FNDC3B: variants seen among roughly 807,000 people sequenced by gnomAD.
The protein encoded by FNDC3B is fibronectin type III domain containing 3B.
In FNDC3B, 12 loss-of-function variants were observed where a neutral mutation model predicts 151.5. That is an observed-to-expected ratio of 0.08 (90% CI 0.05 to 0.13). The LOEUF is 0.13. FNDC3B is among the 10% of genes least tolerant of loss of function. The pLI, the probability that FNDC3B is intolerant of heterozygous loss-of-function variation, is 1.00. For synonymous variants in FNDC3B, 528 were observed against 549.0 expected (o/e 0.96, Z 0.54); for missense variants, 1,214 against 1,505.3 (o/e 0.81, Z 3.20).
At chr3:172,066,165 A>T (rs576162069) in intron 1 of FNDC3B, among the ~76,000 whole-genome samples, 1 of 152,260 alleles carries the variant, frequency 6.6e-6, no homozygotes, top group East Asian at 1.9e-4. Context: ...ACCAAACTTC[A>T]TCTGTTCTGT....
chr3:172,393,139 A>G (rs1278040334), intron 25 of FNDC3B, among the ~76,000 whole-genome samples: 3 of 152,028 alleles, frequency 2.0e-5, no homozygotes, highest in Non-Finnish European at 4.4e-5. Context: ...TATGCTGCCT[A>G]CAAGAGTCAC....
In FNDC3B at chr3:172,364,158, T is replaced by C. The variant is rs141339440; in HGVS notation, c.3008+1313T>C. ...ATACACAAGAGCATTCATCTTATTG[T>C]GCTATATGTGCCTTCGGATGTGTTT... On this transcript the variant is annotated intron_variant, in intron 23 of 25. Transcript: ENST00000415807. 3.8e-3 allele frequency among the ~76,000 whole-genome samples: 582 copies of C among 152,362 alleles called. 3 individuals carry two copies. The highest frequency in any genetic ancestry group is 8.6e-3 in the Admixed American group (131 of 15,312).
chr3:172,257,792 C>T (rs1327513776), intron 6 of FNDC3B, among the ~76,000 whole-genome samples: 1 of 152,106 alleles, frequency 6.6e-6, no homozygotes, highest in African/African-American at 2.4e-5. Flanking sequence ...TTATGACCTG[C>T]CCCAGACCTA....
rs1200497979 is a variant in FNDC3B at position 172,039,627 on chromosome 3, GGCGGCGGCGGCGGCTGGAGGAGGAGA to G, written c.-159_-134del. The stretch of plus-strand genomic sequence containing the variant: ...AAACCCTCCTGGTAGTTATTTGAGC[GGCGGCGGCGGCGGCTGGAGGAGGAGA>G]GCGGCGGCGGCGGGAGCAGCGAAGG... On this transcript the variant is annotated 5_prime_UTR_variant, in exon 1 of 26. Transcript: ENST00000415807. The G allele has an allele frequency of 2.2e-4, 35 of 161,324 alleles. No homozygotes were observed. Among genetic ancestry groups the G allele is most frequent in the Non-Finnish European group, 2.5e-4 (19 of 74,728 alleles). 10.0% of individuals were successfully genotyped at this position (161,324 alleles called of 1,614,324 possible).
intron 3 of FNDC3B, among the ~76,000 whole-genome samples, chr3:172,169,519 C>G (rs539340816): frequency 2.0e-5 from 3 of 152,182 alleles, no homozygotes; most frequent in Admixed American, 1.3e-4. Flanking sequence ...GGAGAGCAAC[C>G]TTGAAGAGCA....
At chr3:172,259,604 A>G (rs1728538299) in intron 6 of FNDC3B, among the ~76,000 whole-genome samples, 1 of 152,082 alleles carries the variant, frequency 6.6e-6, no homozygotes, top group Non-Finnish European at 1.5e-5. Context: ...CTTTATGATG[A>G]TTTTTTTCCC....
At chr3:172,068,331 A>G (rs1717605613) in intron 1 of FNDC3B, among the ~76,000 whole-genome samples, 1 of 151,754 alleles carries the variant, frequency 6.6e-6, no homozygotes, top group South Asian at 2.1e-4. Flanking sequence ...TTCAATACTC[A>G]TCCCTCTGTT....
chr3:172,066,593 A>G (rs892803247), intron 1 of FNDC3B, among the ~76,000 whole-genome samples: 3 of 152,210 alleles, frequency 2.0e-5, no homozygotes, highest in African/African-American at 7.2e-5. Context: ...GCCATTTAGT[A>G]AAGCTTGGTC....
intron 3 of FNDC3B, among the ~76,000 whole-genome samples, chr3:172,155,599 C>T (rs965490917): frequency 1.3e-5 from 2 of 152,174 alleles, no homozygotes; most frequent in Non-Finnish European, 2.9e-5. Flanking sequence ...CAGTGTTTTC[C>T]CCTTTCCTGG....
At chr3:172,347,137 A>C in intron 20 of FNDC3B, 75 bp from the exon 21 acceptor site, 2 of 1,310,928 alleles carry the variant, frequency 1.5e-6, no homozygotes, top group Non-Finnish European at 2.1e-6. Flanking sequence ...TTCCCATTTT[A>C]GTTAATTGAA....
chr3:172,108,514 T>A (rs1415188754), intron 1 of FNDC3B, among the ~76,000 whole-genome samples: 1 of 152,336 alleles, frequency 6.6e-6, no homozygotes, highest in East Asian at 1.9e-4. Context: ...CACAGCTGAG[T>A]TGAGCCACCC....
chr3:172,082,601 C>T (rs925656957), intron 1 of FNDC3B, among the ~76,000 whole-genome samples: 1 of 152,160 alleles, frequency 6.6e-6, no homozygotes, highest in Non-Finnish European at 1.5e-5. Flanking sequence ...AACGAAGCAG[C>T]AAAGAATGTT....
intron 1 of FNDC3B, among the ~76,000 whole-genome samples, chr3:172,088,951 A>G (rs978757211): frequency 6.6e-5 from 10 of 152,204 alleles, no homozygotes; most frequent in Non-Finnish European, 1.0e-4. Flanking sequence ...TTTACAGACA[A>G]TAGCCAAATA....
Position 172,362,850 on chromosome 3 carries a change from G to T in FNDC3B, c.3008+5G>T. ...GCTGGAGGACAGAAACAAGAGGTGAGGTGGGGGTGAGGATGCTCCTGAAGC... is the reference window on the plus strand; with the variant it reads ...GCTGGAGGACAGAAACAAGAGGTGATGTGGGGGTGAGGATGCTCCTGAAGC... On this transcript the variant is annotated splice_donor_5th_base_variant and intron_variant, in intron 23 of 25. Coordinates refer to ENST00000415807, the MANE Select transcript of FNDC3B (RefSeq NM_022763.4). 6.2e-7 allele frequency: 1 copy of T among 1,608,900 alleles called. No individual in the cohort carries two copies. The highest frequency in any genetic ancestry group is 1.1e-5 in the South Asian group (1 of 90,686).
chr3:172,047,164 CTTT>C (rs1716407478), intron 1 of FNDC3B, among the ~76,000 whole-genome samples: 1 of 152,110 alleles, frequency 6.6e-6, no homozygotes, highest in African/African-American at 2.4e-5. Context: ...TTATGAAAAG[CTTT>C]CTGTTGAAAT....
chr3:172,175,062 T>TGCTGCTTTTGCTTTCTC (rs915735506), intron 3 of FNDC3B, among the ~76,000 whole-genome samples: 10 of 151,354 alleles, frequency 6.6e-5, no homozygotes, highest in Admixed American at 1.3e-4. Context: ...ACCAGGCCCC[T>TGCTGCTTTTGCTTTCTC]GCTGCTTTTG....
At chr3:172,347,456 C>A in intron 21 of FNDC3B, 95 bp downstream of exon 21, 1 of 909,316 alleles carries the variant, frequency 1.1e-6, no homozygotes. Context: ...TGGAGGCTGT[C>A]AGGAGGGATG....
intron 3 of FNDC3B, among the ~76,000 whole-genome samples, chr3:172,187,617 T>C (rs1724258996): frequency 6.6e-6 from 1 of 152,224 alleles, no homozygotes; most frequent in African/African-American, 2.4e-5. Flanking sequence ...CAAAAACATA[T>C]TGCAGATGTG....
chr3:172,133,665 T>C, intron 3 of FNDC3B, 119 bp downstream of exon 3: 1 of 806,834 alleles, frequency 1.2e-6, no homozygotes, highest in Non-Finnish European at 2.2e-6. Flanking sequence ...TCTTGGATAT[T>C]CATTTTCTTT....
Sources: allele counts gnomAD v4.1 joint callset (sites outside exome capture counted in the v4.1 genomes callset), GRCh38; gene constraint gnomAD v4.1.1; transcripts MANE v1.5; gene names NCBI Gene and HGNC (gene_info 2026-07-23, HGNC 2026-07-21).